Variants in ATP8A2 observed in about 807,000 individuals in gnomAD.
ATP8A2 encodes the protein phospholipid-transporting ATPase IB.
Under a neutral mutation model 165.6 loss-of-function variants are expected in ATP8A2, and 100 were observed. The observed-to-expected ratio is 0.60, with a 90% CI of 0.51 to 0.71. The LOEUF (loss-of-function observed/expected upper bound fraction) is 0.71, where lower values mean the gene tolerates loss of function less well. Among genes scored for constraint, ATP8A2 ranks in the 30% least tolerant of loss-of-function variants. The pLI is 0.00. For missense variants in ATP8A2, 1,227 were observed against 1,479.5 expected, an observed-to-expected ratio of 0.83 and a Z score of 2.80; for synonymous variants, 543 against 548.8, an observed-to-expected ratio of 0.99 and a Z score of 0.15.
intron 27 of ATP8A2, among the ~76,000 whole-genome samples, chr13:25,826,175 G>A (rs1951308300): frequency 6.6e-6 from 1 of 152,146 alleles, no homozygotes; most frequent in Non-Finnish European, 1.5e-5. Flanking sequence ...ACTGAACTTG[G>A]AAACTTTAAT....
At chr13:26,001,823 T>C (rs1450179853) in intron 35 of ATP8A2, among the ~76,000 whole-genome samples, 1 of 152,182 alleles carries the variant, frequency 6.6e-6, no homozygotes, top group African/African-American at 2.4e-5. Context: ...GTAGTTGTCT[T>C]TTCATTTCCT....
chr13:25,853,272 G>C (rs536450780), intron 30 of ATP8A2, among the ~76,000 whole-genome samples: 2 of 151,718 alleles, frequency 1.3e-5, no homozygotes, highest in South Asian at 4.2e-4. Flanking sequence ...CACACCTGTA[G>C]TCCCAGCTAC....
intron 35 of ATP8A2, among the ~76,000 whole-genome samples, chr13:25,996,479 G>T (rs577920793): frequency 6.6e-6 from 1 of 152,050 alleles, no homozygotes; most frequent in Non-Finnish European, 1.5e-5. Context: ...TATGTTCCAA[G>T]ATTTCTTCTT....
At chr13:25,835,953 A>G (rs1951592624) in intron 28 of ATP8A2, among the ~76,000 whole-genome samples, 1 of 152,192 alleles carries the variant, frequency 6.6e-6, no homozygotes, top group Non-Finnish European at 1.5e-5. Flanking sequence ...TCATTTCATG[A>G]AACAGAATGA....
chr13:25,918,910 G>A (rs1954350792), intron 33 of ATP8A2, among the ~76,000 whole-genome samples: 1 of 152,190 alleles, frequency 6.6e-6, no homozygotes. Context: ...TTGCACCCTG[G>A]GGGTTGGTGT....
At chr13:26,017,312 G>A (rs977479511) in intron 36 of ATP8A2, among the ~76,000 whole-genome samples, 2 of 152,188 alleles carry the variant, frequency 1.3e-5, no homozygotes, top group African/African-American at 2.4e-5. Context: ...GACTAGAAAC[G>A]TTCCTTGTTA....
Position 25,870,073 on chromosome 13 carries a change from G to A in ATP8A2, c.3183+7665G>A, listed in dbSNP as rs116464461. ...CAGATGGGGGAGCCAGAAGGGAGAT[G>A]ACTTTTCCCTGGAGTTGAGCCACTT... On this transcript the variant is annotated intron_variant, in intron 33 of 36. Transcript: ENST00000381655. Among the ~76,000 whole-genome samples the A allele has an allele frequency of 2.7e-3, 417 of 152,298 alleles. 2 individuals carry two copies. Among genetic ancestry groups the A allele is most frequent in the African/African-American group, 9.6e-3 (399 of 41,560 alleles).
At position 25,570,757 on chromosome 13, in the gene ATP8A2, A is replaced by C; in HGVS notation, c.1474-10A>C. On this transcript the variant is annotated splice_polypyrimidine_tract_variant and intron_variant, in intron 16 of 36. Transcript: ENST00000381655. ...TTGTATCTGACACTAATCCCGCCTCACGTTTGCAGCCCACAGCCCCTTGCA... is the reference window on the plus strand; with the variant it reads ...TTGTATCTGACACTAATCCCGCCTCCCGTTTGCAGCCCACAGCCCCTTGCA... 2.5e-6 allele frequency: 4 copies of C among 1,609,944 alleles called. No individual in the cohort carries two copies. Among genetic ancestry groups the C allele is most frequent in the Non-Finnish European group, 3.4e-6 (4 of 1,177,202 alleles).
At chr13:25,560,648 C>T (rs1369175671) in intron 15 of ATP8A2, among the ~76,000 whole-genome samples, 6 of 139,278 alleles carry the variant, frequency 4.3e-5, no homozygotes, top group South Asian at 2.3e-4. Flanking sequence ...TGCAGTGAGC[C>T]GAGATGGCAC....
At chr13:25,670,885 C>T (rs2042249191) in intron 24 of ATP8A2, among the ~76,000 whole-genome samples, 1 of 152,222 alleles carries the variant, frequency 6.6e-6, no homozygotes. Context: ...AATCATGGAG[C>T]TGGTTCCTCA....
intron 25 of ATP8A2, among the ~76,000 whole-genome samples, chr13:25,700,726 TGGAGTTGCTGGGTCATG>T (rs1239285912): frequency 1.3e-5 from 2 of 152,324 alleles, no homozygotes; most frequent in African/African-American, 4.8e-5. Context: ...TGCCTAGAAA[TGGAGTTGCTGGGTCATG>T]CAGTAACTCC....
chr13:25,609,534 G>A (rs937421067), intron 24 of ATP8A2, among the ~76,000 whole-genome samples: 2 of 42,298 alleles, frequency 4.7e-5, no homozygotes, highest in Middle Eastern at 0.019. Context: ...ATATATATTT[G>A]GGATTCAAAT....
chr13:25,530,800 G>C (rs1051852638), intron 4 of ATP8A2, 140 bp downstream of exon 4: 14 of 617,826 alleles, frequency 2.3e-5, no homozygotes, highest in Non-Finnish European at 4.0e-5. Context: ...TATTTTTAGG[G>C]GGAGTTAATG....
At chr13:25,973,999 G>T (rs1311431333) in intron 35 of ATP8A2, among the ~76,000 whole-genome samples, 1 of 152,222 alleles carries the variant, frequency 6.6e-6, no homozygotes, top group Non-Finnish European at 1.5e-5. Flanking sequence ...CTCCAGGCCA[G>T]GTGGCAAATG....
intron 33 of ATP8A2, among the ~76,000 whole-genome samples, chr13:25,866,509 T>C (rs1289706304): frequency 1.3e-5 from 2 of 152,132 alleles, no homozygotes; most frequent in Non-Finnish European, 2.9e-5. Context: ...AAATGGGATG[T>C]TTTTGAGTAA....
In ATP8A2 at chr13:25,506,940, C is replaced by CATATATATATATATATATATATAT. The variant is rs59774160; in HGVS notation, c.222-23037_222-23036insATATATATATATATATATATATAT. Reference sequence around the variant, plus strand: ...GTGTGTGTATATATACAGTACAGTACATATATATATATATATATATATCTT... The same window carrying CATATATATATATATATATATATAT: ...GTGTGTGTATATATACAGTACAGTACATATATATATATATATATATATATATATATATATATATATATATATCTT... On this transcript the variant is annotated intron_variant, in intron 2 of 36. Transcript: ENST00000381655. 9.8e-3 allele frequency among the ~76,000 whole-genome samples: 1,251 copies of CATATATATATATATATATATATAT among 128,076 alleles called. 16 individuals carry two copies. The highest frequency in any genetic ancestry group is 0.012 in the Admixed American group (150 of 12,458). 84.0% of individuals were successfully genotyped at this position (128,076 alleles called of 152,430 possible).
intron 2 of ATP8A2, among the ~76,000 whole-genome samples, chr13:25,496,998 C>G (rs2036698041): frequency 6.6e-6 from 1 of 152,162 alleles, no homozygotes; most frequent in African/African-American, 2.4e-5. Context: ...GACCATCGTG[C>G]TAATGAGACC....
intron 33 of ATP8A2, among the ~76,000 whole-genome samples, chr13:25,907,781 C>CA (rs1953987798): frequency 1.3e-5 from 2 of 152,204 alleles, no homozygotes; most frequent in Non-Finnish European, 2.9e-5. Context: ...AACTCTATGT[C>CA]TACACCAAGG....
At chr13:25,932,440 C>T (rs1466452614) in intron 33 of ATP8A2, among the ~76,000 whole-genome samples, 1 of 152,180 alleles carries the variant, frequency 6.6e-6, no homozygotes, top group Non-Finnish European at 1.5e-5. Flanking sequence ...GGAAAATTTC[C>T]CTCTGGGGTG....
Sources: allele counts gnomAD v4.1 joint callset (sites outside exome capture counted in the v4.1 genomes callset), GRCh38; gene constraint gnomAD v4.1.1; transcripts MANE v1.5; gene names NCBI Gene and HGNC (gene_info 2026-07-23, HGNC 2026-07-21).